Variants in VEGFC observed in about 807,000 individuals in gnomAD.
VEGFC encodes the protein vascular endothelial growth factor C.
In VEGFC, 12 loss-of-function variants were observed where a neutral mutation model predicts 46.1. The ratio of observed to expected loss-of-function variants is 0.26; its 90% CI spans 0.17 to 0.42. VEGFC has a LOEUF of 0.42. VEGFC is among the 10% of genes least tolerant of loss of function. The probability of loss-of-function intolerance (pLI) is 1.00; values close to 1 mark genes in which losing one functional copy is unlikely to be tolerated. For missense variants in VEGFC, 488 were observed against 529.4 expected, an observed-to-expected ratio of 0.92 and a Z score of 0.77; for synonymous variants, 232 against 195.5, an observed-to-expected ratio of 1.19 and a Z score of -1.56.
chr4:176,739,274 AC>A (rs748288091), intron 1 of VEGFC, among the ~76,000 whole-genome samples: 1 of 151,096 alleles, frequency 6.6e-6, no homozygotes, highest in African/African-American at 2.4e-5. Flanking sequence ...AGGCAGAAAT[AC>A]CACTTGACCC....
At chr4:176,789,534 C>G (rs1579146266) in intron 1 of VEGFC, among the ~76,000 whole-genome samples, 1 of 152,166 alleles carries the variant, frequency 6.6e-6, no homozygotes, top group Admixed American at 6.5e-5. Context: ...CAAACATAAT[C>G]ATATACTATA....
intron 1 of VEGFC, among the ~76,000 whole-genome samples, chr4:176,752,514 G>A (rs1309696102): frequency 2.0e-5 from 3 of 152,070 alleles, no homozygotes; most frequent in African/African-American, 2.4e-5. Flanking sequence ...GGGATAAGAT[G>A]CAAAGAGAAT....
At chr4:176,773,288 TTGA>T (rs1735753035) in intron 1 of VEGFC, among the ~76,000 whole-genome samples, 1 of 152,176 alleles carries the variant, frequency 6.6e-6, no homozygotes, top group African/African-American at 2.4e-5. Context: ...AGTCTGGACA[TTGA>T]TGATATGATG....
chr4:176,727,929 C>T lies in VEGFC; in HGVS notation c.401G>A (p.Arg134Gln), dbSNP rs768314100. 39 of 1,612,644 alleles carry T rather than the reference C, an allele frequency of 2.4e-5. No homozygotes were observed. Among genetic ancestry groups the T allele is most frequent in the Non-Finnish European group, 3.3e-5 (39 of 1,179,288 alleles). ...NEWRKTQCMP[R>Q]EVCIDVGKEF... ...CTTCCCCACATCTATACACACCTCCCGTGGCATGCATTGAGTCTTTCTCCA... is the reference window on the plus strand; with the variant it reads ...CTTCCCCACATCTATACACACCTCCTGTGGCATGCATTGAGTCTTTCTCCA... Residue 134 changes from arginine to glutamine, a missense_variant, in exon 3 of 7, where the codon CGG becomes CAG. Coordinates refer to ENST00000618562, the MANE Select transcript of VEGFC (RefSeq NM_005429.5).
chr4:176,744,324 A>T (rs1735224705), intron 1 of VEGFC, among the ~76,000 whole-genome samples: 1 of 152,010 alleles, frequency 6.6e-6, no homozygotes, highest in Non-Finnish European at 1.5e-5. Context: ...CATCTAGAGA[A>T]TTCAGGGCAG....
At chr4:176,719,937 T>C (rs1016487495) in intron 3 of VEGFC, among the ~76,000 whole-genome samples, 3 of 151,876 alleles carry the variant, frequency 2.0e-5, no homozygotes, top group African/African-American at 7.3e-5. Context: ...TGGACACCTG[T>C]AATCCCAGCT....
chr4:176,736,134 G>A (rs1437418018), intron 1 of VEGFC, among the ~76,000 whole-genome samples: 2 of 151,828 alleles, frequency 1.3e-5, no homozygotes, highest in Non-Finnish European at 2.9e-5. Flanking sequence ...AATCTTGGAA[G>A]TAATTTGCAC....
At chr4:176,725,720 T>A (rs891730922) in intron 3 of VEGFC, among the ~76,000 whole-genome samples, 3 of 152,160 alleles carry the variant, frequency 2.0e-5, no homozygotes, top group Non-Finnish European at 4.4e-5. Flanking sequence ...AAAAATTGTA[T>A]ATTTCAATTC....
At chr4:176,704,525 CT>C (rs1395274626) in intron 4 of VEGFC, among the ~76,000 whole-genome samples, 1 of 152,134 alleles carries the variant, frequency 6.6e-6, no homozygotes, top group Non-Finnish European at 1.5e-5. Flanking sequence ...AAGTCATATG[CT>C]TTCTTGTATT....
intron 4 of VEGFC, among the ~76,000 whole-genome samples, chr4:176,703,113 T>C (rs1007987098): frequency 1.3e-5 from 2 of 152,106 alleles, no homozygotes; most frequent in Non-Finnish European, 2.9e-5. Context: ...GAATGATGAC[T>C]GGGGATTTGG....
In VEGFC at chr4:176,736,976, T is replaced by C. The variant is rs553881202; in HGVS notation, c.148-7230A>G. On this transcript the variant is annotated intron_variant, in intron 1 of 6. Transcript: ENST00000618562. ...ATGATCCTTCCAGTTCAACAAATGA[T>C]AACTAATGTTTTTATTTTAAGTATT... 3.3e-5 allele frequency among the ~76,000 whole-genome samples: 5 copies of C among 151,322 alleles called. No homozygotes were observed. In the South Asian group the frequency reaches 8.3e-4, roughly 25 times the overall value.
chr4:176,752,285 G>A (rs149348411), intron 1 of VEGFC, among the ~76,000 whole-genome samples: 2 of 152,070 alleles, frequency 1.3e-5, no homozygotes, highest in Non-Finnish European at 2.9e-5. Context: ...AGGAAACAGA[G>A]GGCACAATTT....
chr4:176,782,316 T>C (rs1735930273), intron 1 of VEGFC, among the ~76,000 whole-genome samples: 1 of 151,914 alleles, frequency 6.6e-6, no homozygotes, highest in African/African-American at 2.4e-5. Flanking sequence ...TTTTAAAAAA[T>C]AGCTGGGTGG....
At chr4:176,741,224 T>C (rs1735169251) in intron 1 of VEGFC, among the ~76,000 whole-genome samples, 1 of 151,972 alleles carries the variant, frequency 6.6e-6, no homozygotes, top group African/African-American at 2.4e-5. Flanking sequence ...CATTGCAGCA[T>C]GGAAACATTT....
At chr4:176,735,190 T>C (rs1429452962) in intron 1 of VEGFC, among the ~76,000 whole-genome samples, 1 of 151,910 alleles carries the variant, frequency 6.6e-6, no homozygotes, top group Non-Finnish European at 1.5e-5. Flanking sequence ...CCATGTTCTA[T>C]TATAATTTCT....
chr4:176,742,235 A>T lies in VEGFC; in HGVS notation c.148-12489T>A, dbSNP rs545614471. Among the ~76,000 whole-genome samples, 243 of 152,200 alleles carry T rather than the reference A, an allele frequency of 1.6e-3. 1 individual carries two copies. Among genetic ancestry groups the T allele is most frequent in the African/African-American group, 5.7e-3 (239 of 41,566 alleles). On this transcript the variant is annotated intron_variant, in intron 1 of 6. Transcript: ENST00000618562. The stretch of plus-strand genomic sequence containing the variant: ...TTCACTTAGGAAAACGGCCTCCAGC[A>T]GAGTCCATGTTGCTGCAAAGCACAT...
At chr4:176,770,588 C>A (rs1281374060) in intron 1 of VEGFC, among the ~76,000 whole-genome samples, 1 of 148,866 alleles carries the variant, frequency 6.7e-6, no homozygotes, top group African/African-American at 2.6e-5. Flanking sequence ...TACAGACTTT[C>A]CAGATAGAGA....
rs1308555799 is a variant in VEGFC, at chr4:176,754,798, ACTAT to A, written c.148-25056_148-25053del. ...ACAGGTAGATTTGAGTTATCAAAAA[ACTAT>A]CTATCTATACCAGTGTGAAGTGGGA... On this transcript the variant is annotated intron_variant, in intron 1 of 6. Coordinates refer to ENST00000618562, the MANE Select transcript of VEGFC (RefSeq NM_005429.5). Among the ~76,000 whole-genome samples, 3 of 152,226 alleles carry A rather than the reference ACTAT, an allele frequency of 2.0e-5. No individual in the cohort carries two copies. The South Asian group carries it at 6.2e-4, about 32-fold the overall frequency.
At chr4:176,684,065 T>A in intron 6 of VEGFC, 25 bp from the exon 7 acceptor site, 1 of 1,563,366 alleles carries the variant, frequency 6.4e-7, no homozygotes, top group Non-Finnish European at 8.8e-7. Flanking sequence ...AAGAACACAC[T>A]TACGTTAAAG....
Sources: allele counts gnomAD v4.1 joint callset (sites outside exome capture counted in the v4.1 genomes callset), GRCh38; gene constraint gnomAD v4.1.1; transcripts MANE v1.5; gene names NCBI Gene and HGNC (gene_info 2026-07-23, HGNC 2026-07-21).